Variants in MPP7 observed in about 807,000 individuals in gnomAD.
MPP7 encodes the protein MAGUK p55 subfamily member 7.
Under a neutral mutation model 76.5 loss-of-function variants are expected in MPP7, and 60 were observed. The ratio of observed to expected loss-of-function variants is 0.78; its 90% CI spans 0.64 to 0.97. MPP7 has a LOEUF of 0.97. MPP7 is among the 50% of genes least tolerant of loss of function. The probability of loss-of-function intolerance (pLI) is 0.00; values close to 1 mark genes in which losing one functional copy is unlikely to be tolerated. For synonymous variants in MPP7, 237 were observed against 244.5 expected, an observed-to-expected ratio of 0.97 and a Z score of 0.29; for missense variants, 641 against 694.0, an observed-to-expected ratio of 0.92 and a Z score of 0.86.
chr10:28,317,778 G>A (rs1295901343), intron 2 of MPP7, among the ~76,000 whole-genome samples: 1 of 152,146 alleles, frequency 6.6e-6, no homozygotes, highest in Non-Finnish European at 1.5e-5. Context: ...TTTCAGGGTG[G>A]CCGCCATGCC....
At chr10:28,149,865 T>C in intron 4 of MPP7, 117 bp downstream of exon 4, 2 of 596,078 alleles carry the variant, frequency 3.4e-6, no homozygotes, top group Non-Finnish European at 5.7e-6. Flanking sequence ...GAAACATTTG[T>C]AACCTCTTCT....
At chr10:28,279,366 T>C (rs1840598820) in intron 1 of MPP7, among the ~76,000 whole-genome samples, 1 of 152,080 alleles carries the variant, frequency 6.6e-6, no homozygotes, top group African/African-American at 2.4e-5. Flanking sequence ...TTTTTCCTTC[T>C]AAGAGGTGAA....
chr10:28,090,053 T>C (rs972463142), intron 11 of MPP7, among the ~76,000 whole-genome samples: 2 of 152,130 alleles, frequency 1.3e-5, no homozygotes, highest in Non-Finnish European at 2.9e-5. Context: ...GTTGAACTCC[T>C]GGGCTCAAGC....
intron 1 of MPP7, among the ~76,000 whole-genome samples, chr10:28,296,054 T>A (rs1841028955): frequency 6.6e-6 from 1 of 152,202 alleles, no homozygotes; most frequent in Non-Finnish European, 1.5e-5. Context: ...TCCAAAAATT[T>A]AAAACATAAA....
intron 1 of MPP7, among the ~76,000 whole-genome samples, chr10:28,243,630 T>C (rs1267936882): frequency 7.0e-6 from 1 of 141,956 alleles, no homozygotes; most frequent in Non-Finnish European, 1.5e-5. Flanking sequence ...ATCTTTGGTG[T>C]AACAGCAAAT....
In MPP7 at chr10:28,260,270, C is replaced by G. The variant is rs79732410; in HGVS notation, c.-131-21535G>C. 6.3e-3 allele frequency among the ~76,000 whole-genome samples: 954 copies of G among 152,192 alleles called. 19 individuals carry two copies. Among genetic ancestry groups the G allele is most frequent in the East Asian group, 0.039 (203 of 5,176 alleles). ...CATTTCCAGTGGCAATTCATCCATT[C>G]CAGTCTCCCTGGCTCTCTATAAATG... On this transcript the variant is annotated intron_variant, in intron 1 of 16. Transcript: ENST00000683449.
intron 2 of MPP7, among the ~76,000 whole-genome samples, chr10:28,225,464 A>C (rs1210284795): frequency 6.6e-6 from 1 of 152,224 alleles, no homozygotes; most frequent in Non-Finnish European, 1.5e-5. Context: ...GAGAACAGGG[A>C]AACTCAACAA....
rs1415350191 is a variant in MPP7, at chr10:28,056,514, C to T, written c.1517G>A (p.Ser506Asn). The T allele has an allele frequency of 6.2e-7, 1 of 1,612,740 alleles. No homozygotes were observed. The highest frequency in any genetic ancestry group is 1.7e-5 in the Admixed American group (1 of 59,606). The change falls in exon 16 of 17, where the codon AGC (serine) becomes AAC (asparagine). Residue 506 changes from serine to asparagine, a missense_variant. Physicochemically the swap from Ser to Asn is conservative, Grantham distance 46. Coordinates refer to ENST00000683449, the MANE Select transcript of MPP7 (RefSeq NM_001318170.2). ...ETRKNAKIIS[S>N]RDDQGAAKPF... ...TTTTGCAGCACCTTGGTCATCTCTG[C>T]TTGAAATAATCTTTGCATTTTTTCT...
intron 3 of MPP7, among the ~76,000 whole-genome samples, chr10:28,164,482 G>A (rs1836376886): frequency 6.6e-6 from 1 of 152,054 alleles, no homozygotes; most frequent in Non-Finnish European, 1.5e-5. Flanking sequence ...CCAAACACAG[G>A]TAGGTAGAGA....
intron 16 of MPP7, among the ~76,000 whole-genome samples, chr10:28,054,960 T>C (rs1193912986): frequency 6.6e-6 from 1 of 152,250 alleles, no homozygotes; most frequent in Non-Finnish European, 1.5e-5. Flanking sequence ...ATTACAGGCA[T>C]GAGCCACCAC....
chr10:28,237,974 T>C (rs1012599088), intron 2 of MPP7, among the ~76,000 whole-genome samples: 1 of 151,570 alleles, frequency 6.6e-6, no homozygotes, highest in Non-Finnish European at 1.5e-5. Context: ...TGTGTGTGTG[T>C]TAGTTTTTTT....
chr10:28,329,005 G>T (rs1834446392), intron 2 of MPP7, among the ~76,000 whole-genome samples: 2 of 152,042 alleles, frequency 1.3e-5, no homozygotes, highest in Non-Finnish European at 2.9e-5. Flanking sequence ...TATTATAAAG[G>T]TACTGATATT....
At chr10:28,297,052 C>A (rs1841051746) in intron 1 of MPP7, among the ~76,000 whole-genome samples, 1 of 152,102 alleles carries the variant, frequency 6.6e-6, no homozygotes, top group South Asian at 2.1e-4. Flanking sequence ...TCAGAGGGTT[C>A]AATAGGAGAG....
intron 1 of MPP7, among the ~76,000 whole-genome samples, chr10:28,284,220 C>T (rs1441328762): frequency 1.3e-5 from 2 of 152,154 alleles, no homozygotes; most frequent in African/African-American, 4.8e-5. Context: ...CAGGAAAAAC[C>T]AGTGTCACCA....
At chr10:28,062,659 C>G (rs1364255898) in intron 13 of MPP7, among the ~76,000 whole-genome samples, 1 of 151,452 alleles carries the variant, frequency 6.6e-6, no homozygotes, top group Non-Finnish European at 1.5e-5. Flanking sequence ...ACAATCATCT[C>G]AACGTATGCA....
intron 1 of MPP7, among the ~76,000 whole-genome samples, chr10:28,284,104 C>T (rs1031748076): frequency 6.6e-6 from 1 of 152,110 alleles, no homozygotes; most frequent in African/African-American, 2.4e-5. Flanking sequence ...CTGAAAACAA[C>T]TGAACAGATC....
intron 2 of MPP7, among the ~76,000 whole-genome samples, chr10:28,208,301 T>C (rs1184124035): frequency 6.6e-5 from 10 of 152,138 alleles, no homozygotes; most frequent in African/African-American, 2.4e-4. Context: ...GAAACACTTC[T>C]CCAGTATACA....
chr10:28,131,498 G>A lies in MPP7; in HGVS notation c.447+62C>T. ...AGTATATTTTAAAGAGTTATACATG[G>A]TATGCACCATCAGATTTGGCCCTAT... On this transcript the variant is annotated intron_variant, in intron 6 of 16. Transcript: ENST00000683449. 3 of 1,434,534 alleles carry A rather than the reference G, an allele frequency of 2.1e-6. No homozygotes were observed. The South Asian group carries it at 3.9e-5, about 19-fold the overall frequency. The allele number at this position is 1,434,534 out of a possible 1,614,324, so 88.9% of individuals were successfully genotyped here.
At chr10:28,183,459 AGAGT>A (rs1271303139) in intron 3 of MPP7, among the ~76,000 whole-genome samples, 1 of 152,212 alleles carries the variant, frequency 6.6e-6, no homozygotes, top group Non-Finnish European at 1.5e-5. Context: ...TAATTTTAAA[AGAGT>A]GAGAGCAAAG....
Sources: gnomAD v4.1 joint callset for allele counts (sites outside exome capture counted in the v4.1 genomes callset) on GRCh38, gnomAD v4.1.1 for gene constraint, MANE v1.5 for transcripts, NCBI Gene and HGNC (gene_info 2026-07-23, HGNC 2026-07-21) for gene names.